ZNF804B: variants seen among roughly 807,000 people sequenced by gnomAD.
The protein encoded by ZNF804B is zinc finger 804B.
In ZNF804B, 80 loss-of-function variants were observed where a neutral mutation model predicts 101.4. The ratio of observed to expected loss-of-function variants is 0.79; its 90% CI spans 0.66 to 0.95. The LOEUF is 0.95. Among genes scored for constraint, ZNF804B ranks in the 40% least tolerant of loss-of-function variants. ZNF804B has a pLI of 0.00. For synonymous variants in ZNF804B, 622 were observed against 558.8 expected, an observed-to-expected ratio of 1.11 and a Z score of -1.59; for missense variants, 1,673 against 1,561.9, an observed-to-expected ratio of 1.07 and a Z score of -1.20.
chr7:88,819,097 G>A (rs1790932972), intron 1 of ZNF804B, among the ~76,000 whole-genome samples: 2 of 152,022 alleles, frequency 1.3e-5, no homozygotes, highest in South Asian at 4.1e-4. Flanking sequence ...GATACCCTGT[G>A]AAAGTATATC....
Position 88,803,943 on chromosome 7 carries a change from C to T in ZNF804B, c.108+43859C>T, listed in dbSNP as rs76016502. On this transcript the variant is annotated intron_variant, in intron 1 of 3. Transcript: ENST00000333190. ...AAATAAGAGGCAGTGAAAGAGGCAACAACAAATCAGAAATAGGCAGAGAAT... is the reference window on the plus strand; with the variant it reads ...AAATAAGAGGCAGTGAAAGAGGCAATAACAAATCAGAAATAGGCAGAGAAT... 2.7e-3 allele frequency among the ~76,000 whole-genome samples: 410 copies of T among 152,056 alleles called. 5 individuals carry two copies. The highest frequency in any genetic ancestry group is 9.6e-3 in the African/African-American group (399 of 41,484).
At chr7:88,896,623 C>T (rs1208274978) in intron 1 of ZNF804B, among the ~76,000 whole-genome samples, 1 of 152,016 alleles carries the variant, frequency 6.6e-6, no homozygotes, top group African/African-American at 2.4e-5. Flanking sequence ...CTAAAGAATA[C>T]GTGATACAGA....
intron 1 of ZNF804B, among the ~76,000 whole-genome samples, chr7:89,072,886 T>C (rs980918098): frequency 8.5e-5 from 13 of 152,170 alleles, no homozygotes; most frequent in African/African-American, 2.9e-4. Context: ...CATAAAGATA[T>C]ATGAGAGCTC....
At chr7:89,169,319 G>A (rs571742509) in intron 1 of ZNF804B, among the ~76,000 whole-genome samples, 3 of 152,218 alleles carry the variant, frequency 2.0e-5, no homozygotes, top group Admixed American at 6.5e-5. Context: ...TGCCACTCGC[G>A]GCTCGAATGC....
Position 88,845,301 on chromosome 7 carries a change from G to GCACA in ZNF804B, c.108+85234_108+85237dup, listed in dbSNP as rs372272018. 6.2e-3 allele frequency among the ~76,000 whole-genome samples: 927 copies of GCACA among 150,038 alleles called. 5 individuals are homozygous for GCACA. Among genetic ancestry groups the GCACA allele is most frequent in the African/African-American group, 0.016 (674 of 40,956 alleles). On this transcript the variant is annotated intron_variant, in intron 1 of 3. Coordinates refer to ENST00000333190, the MANE Select transcript of ZNF804B (RefSeq NM_181646.5). The stretch of plus-strand genomic sequence containing the variant: ...TGCGCACGCGCGCGCGCACGCGCGC[G>GCACA]CACACACACACACACACACAATAAC...
intron 1 of ZNF804B, among the ~76,000 whole-genome samples, chr7:89,169,303 G>A (rs1012432447): frequency 1.8e-4 from 27 of 152,186 alleles, no homozygotes; most frequent in African/African-American, 6.3e-4. Flanking sequence ...GGGGACCCAA[G>A]GGGGTTGCCA....
intron 1 of ZNF804B, among the ~76,000 whole-genome samples, chr7:88,814,557 G>A (rs1037869140): frequency 1.3e-5 from 2 of 151,806 alleles, no homozygotes; most frequent in Non-Finnish European, 1.5e-5. Context: ...AGACTCAGTT[G>A]AGGCAACTTA....
intron 1 of ZNF804B, among the ~76,000 whole-genome samples, chr7:89,155,140 C>A (rs766903786): frequency 2.6e-5 from 4 of 152,084 alleles, no homozygotes; most frequent in Non-Finnish European, 5.9e-5. Context: ...CAAAAACTAC[C>A]TATTTGTTGA....
At chr7:89,042,071 T>C (rs1248737839) in intron 1 of ZNF804B, among the ~76,000 whole-genome samples, 4 of 152,170 alleles carry the variant, frequency 2.6e-5, no homozygotes, top group Non-Finnish European at 5.9e-5. Context: ...TGTTATACTT[T>C]TTCTAGTTCA....
intron 1 of ZNF804B, among the ~76,000 whole-genome samples, chr7:89,059,697 G>A (rs972417790): frequency 6.6e-6 from 1 of 152,136 alleles, no homozygotes; most frequent in Admixed American, 6.5e-5. Context: ...AAAGACATAT[G>A]TATGCATACC....
At chr7:89,241,574 A>T (rs1156583531) in intron 2 of ZNF804B, among the ~76,000 whole-genome samples, 1 of 152,236 alleles carries the variant, frequency 6.6e-6, no homozygotes, top group East Asian at 1.9e-4. Context: ...ATACTATTGT[A>T]CCTAGTTAAA....
chr7:89,192,504 GATTCC>G (rs1276826173), intron 1 of ZNF804B, among the ~76,000 whole-genome samples: 1 of 151,950 alleles, frequency 6.6e-6, no homozygotes, highest in East Asian at 1.9e-4. Context: ...CATGTTCTAT[GATTCC>G]ATTTATATAA....
At chr7:89,081,549 C>A (rs1450154251) in intron 1 of ZNF804B, among the ~76,000 whole-genome samples, 1 of 151,754 alleles carries the variant, frequency 6.6e-6, no homozygotes, top group Non-Finnish European at 1.5e-5. Flanking sequence ...ATAACTCAAT[C>A]ACTTATGGAA....
intron 1 of ZNF804B, among the ~76,000 whole-genome samples, chr7:88,848,526 A>G (rs373411668): frequency 1.8e-4 from 27 of 152,104 alleles, no homozygotes; most frequent in African/African-American, 6.5e-4. Context: ...CAGGGAAGAA[A>G]CCTTTTTGCA....
At position 89,334,874 on chromosome 7, in the gene ZNF804B, T is replaced by C; in HGVS notation, c.1892T>C (p.Ile631Thr). ...IDEDLSFPSY[I>T]SRFKKHKLIP... is the part of the protein sequence containing the mutation. ...GAGGACCTATCTTTTCCTTCCTACA[T>C]CTCTAGGTTTAAAAAGCATAAATTG... The change falls in exon 4 of 4, where the codon ATC becomes ACC. Residue 631 changes from isoleucine (I) to threonine (T), a missense_variant. By Grantham distance (89) the Ile-to-Thr change is moderately conservative. Coordinates refer to ENST00000333190, the MANE Select transcript of ZNF804B (RefSeq NM_181646.5). 1.9e-6 allele frequency: 3 copies of C among 1,613,742 alleles called. No homozygotes were observed. Among genetic ancestry groups the C allele is most frequent in the Non-Finnish European group, 2.5e-6 (3 of 1,179,868 alleles).
At chr7:88,865,255 G>C (rs1354516495) in intron 1 of ZNF804B, among the ~76,000 whole-genome samples, 1 of 149,374 alleles carries the variant, frequency 6.7e-6, no homozygotes. Context: ...AAATAGACCA[G>C]TTACGGTGGC....
At chr7:89,288,292 T>C (rs1790237264) in intron 2 of ZNF804B, among the ~76,000 whole-genome samples, 1 of 151,874 alleles carries the variant, frequency 6.6e-6, no homozygotes, top group Admixed American at 6.6e-5. Context: ...ATCTAACAGA[T>C]ATATAAGGAG....
chr7:88,987,134 T>G (rs1367873648), intron 1 of ZNF804B, among the ~76,000 whole-genome samples: 1 of 152,122 alleles, frequency 6.6e-6, no homozygotes, highest in East Asian at 1.9e-4. Flanking sequence ...ATTTTATTCC[T>G]TACTAAGCTC....
At chr7:88,916,959 T>C (rs1792641448) in intron 1 of ZNF804B, among the ~76,000 whole-genome samples, 1 of 152,150 alleles carries the variant, frequency 6.6e-6, no homozygotes, top group East Asian at 1.9e-4. Flanking sequence ...TGTAATATAA[T>C]GTGTTTCAAA....
Sources: allele counts gnomAD v4.1 joint callset (sites outside exome capture counted in the v4.1 genomes callset), GRCh38; gene constraint gnomAD v4.1.1; transcripts MANE v1.5; gene names NCBI Gene and HGNC (gene_info 2026-07-23, HGNC 2026-07-21).